GALNT17: variants seen among roughly 807,000 people sequenced by gnomAD.
GALNT17 encodes the protein UDP-GalNAc:polypeptide N-acetylgalactosaminyltransferase-like 3.
In GALNT17, 29 loss-of-function variants were observed where a neutral mutation model predicts 63.7. The observed-to-expected ratio is 0.46, with a 90% CI of 0.34 to 0.62. GALNT17 has a LOEUF of 0.62. GALNT17 is among the 20% of genes least tolerant of loss of function. GALNT17 has a pLI of 0.01. For missense variants in GALNT17, 603 were observed against 799.6 expected, an observed-to-expected ratio of 0.75 and a Z score of 2.97; for synonymous variants, 305 against 318.3, an observed-to-expected ratio of 0.96 and a Z score of 0.45.
intron 7 of GALNT17, among the ~76,000 whole-genome samples, chr7:71,667,948 C>T (rs1481906639): frequency 6.6e-6 from 1 of 152,104 alleles, no homozygotes; most frequent in Non-Finnish European, 1.5e-5. Flanking sequence ...CACAGGCTTG[C>T]GCCCTCTACC....
chr7:71,159,250 CT>C (rs11288629), intron 1 of GALNT17, among the ~76,000 whole-genome samples: 70,059 of 151,284 alleles, frequency 0.46, 17,905 homozygotes, highest in African/African-American at 0.64. Flanking sequence ...TCAAATGTGC[CT>C]TTTCTTAGGA....
intron 9 of GALNT17, among the ~76,000 whole-genome samples, chr7:71,700,024 G>A (rs1478998270): frequency 2.0e-5 from 3 of 151,778 alleles, no homozygotes; most frequent in Admixed American, 6.6e-5. Flanking sequence ...AGGCACAGTG[G>A]CTCACACCTG....
chr7:71,150,476 T>C (rs1788108983), intron 1 of GALNT17, among the ~76,000 whole-genome samples: 1 of 151,426 alleles, frequency 6.6e-6, no homozygotes, highest in African/African-American at 2.4e-5. Context: ...TCCTACGGGG[T>C]CCTTCATGCC....
chr7:71,575,221 G>C (rs993413476), intron 6 of GALNT17, among the ~76,000 whole-genome samples: 1 of 151,930 alleles, frequency 6.6e-6, no homozygotes, highest in Admixed American at 6.6e-5. Flanking sequence ...CATCCCCACC[G>C]CCTGAATAAA....
intron 3 of GALNT17, among the ~76,000 whole-genome samples, chr7:71,397,523 G>C (rs1226423426): frequency 2.6e-5 from 4 of 152,070 alleles, no homozygotes; most frequent in Non-Finnish European, 4.4e-5. Flanking sequence ...AGATAAGAAT[G>C]GGTGCTATAC....
At chr7:71,172,518 C>CT (rs1248225285) in intron 1 of GALNT17, among the ~76,000 whole-genome samples, 2 of 151,496 alleles carry the variant, frequency 1.3e-5, no homozygotes, top group African/African-American at 2.4e-5. Flanking sequence ...GGAACAGACT[C>CT]TAAGAACCCT....
At chr7:71,683,046 G>T (rs941187213) in intron 9 of GALNT17, among the ~76,000 whole-genome samples, 20 of 152,138 alleles carry the variant, frequency 1.3e-4, no homozygotes, top group African/African-American at 4.6e-4. Context: ...TTCCACCTGC[G>T]TGCGGAACTT....
intron 6 of GALNT17, among the ~76,000 whole-genome samples, chr7:71,645,607 C>T (rs1584110103): frequency 6.6e-6 from 1 of 152,140 alleles, no homozygotes; most frequent in Admixed American, 6.5e-5. Flanking sequence ...TGAACTATTA[C>T]AGATGGTTAT....
intron 6 of GALNT17, among the ~76,000 whole-genome samples, chr7:71,626,041 C>T (rs1230066764): frequency 6.6e-6 from 1 of 151,948 alleles, no homozygotes; most frequent in Non-Finnish European, 1.5e-5. Context: ...GTCAGGAGAG[C>T]GAGACCATCC....
chr7:71,265,118 A>ATATATATTTTTTTTTTT (rs1390488895), intron 1 of GALNT17, among the ~76,000 whole-genome samples: 1 of 37,458 alleles, frequency 2.7e-5, no homozygotes, highest in Non-Finnish European at 6.8e-5. Flanking sequence ...ATATATATAT[A>ATATATATTTTTTTTTTT]TTTTTTTTTT....
chr7:71,342,552 T>A lies in GALNT17; in HGVS notation c.422+6819T>A, dbSNP rs1792024447. ...ATTAATACAGAAAAAAAACAAAAGC[T>A]CTCCAATAAACAAACTATACTTCCC... On this transcript the variant is annotated intron_variant, in intron 2 of 10. Coordinates refer to ENST00000333538, the MANE Select transcript of GALNT17 (RefSeq NM_022479.3). 3.3e-5 allele frequency among the ~76,000 whole-genome samples: 5 copies of A among 152,034 alleles called. No homozygotes were observed. The South Asian group carries it at 1.0e-3, about 32-fold the overall frequency.
chr7:71,359,642 G>A (rs1050368659), intron 2 of GALNT17, among the ~76,000 whole-genome samples: 17 of 151,372 alleles, frequency 1.1e-4, no homozygotes, highest in African/African-American at 4.1e-4. Context: ...GGAGTGCGGT[G>A]GCACCGTCTC....
chr7:71,163,592 C>G (rs1024720138), intron 1 of GALNT17, among the ~76,000 whole-genome samples: 3 of 152,140 alleles, frequency 2.0e-5, no homozygotes, highest in Non-Finnish European at 4.4e-5. Context: ...GGAACCGTTT[C>G]TTCTAGTTTA....
At chr7:71,476,763 C>T (rs1469736042) in intron 5 of GALNT17, among the ~76,000 whole-genome samples, 1 of 152,122 alleles carries the variant, frequency 6.6e-6, no homozygotes, top group East Asian at 1.9e-4. Context: ...TTTCTTACAA[C>T]AAAGAATTAT....
At chr7:71,506,149 C>T (rs1788262158) in intron 5 of GALNT17, among the ~76,000 whole-genome samples, 1 of 152,144 alleles carries the variant, frequency 6.6e-6, no homozygotes, top group South Asian at 2.1e-4. Flanking sequence ...ACTAGGACTC[C>T]ATATGTATTT....
At chr7:71,208,298 C>T (rs1447588560) in intron 1 of GALNT17, among the ~76,000 whole-genome samples, 1 of 152,094 alleles carries the variant, frequency 6.6e-6, no homozygotes, top group Non-Finnish European at 1.5e-5. Context: ...CCTGCTCCCA[C>T]AGGGAGATTG....
chr7:71,413,120 A>T (rs1245571867), intron 3 of GALNT17, among the ~76,000 whole-genome samples: 1 of 152,208 alleles, frequency 6.6e-6, no homozygotes, highest in Admixed American at 6.5e-5. Context: ...GATGCTCATG[A>T]TACTGTCATC....
At chr7:71,492,096 A>G (rs1438760735) in intron 5 of GALNT17, among the ~76,000 whole-genome samples, 1 of 152,152 alleles carries the variant, frequency 6.6e-6, no homozygotes, top group Non-Finnish European at 1.5e-5. Context: ...CCTGGCCAAC[A>G]TGGTGAAACC....
Position 71,531,244 on chromosome 7 carries a change from T to C in GALNT17, c.963-40041T>C, listed in dbSNP as rs1788715945. The stretch of plus-strand genomic sequence containing the variant: ...TCCATTATGCATCAATTAAAAATAA[T>C]AGTAAAAGCAAAAAAAAAGTATTTA... On this transcript the variant is annotated intron_variant, in intron 5 of 10. Transcript: ENST00000333538. Among the ~76,000 whole-genome samples the C allele has an allele frequency of 2.6e-5, 4 of 152,086 alleles. No homozygotes were observed. The South Asian group carries it at 8.3e-4, about 32-fold the overall frequency.
Sources: gnomAD v4.1 joint callset for allele counts (sites outside exome capture counted in the v4.1 genomes callset) on GRCh38, gnomAD v4.1.1 for gene constraint, MANE v1.5 for transcripts, NCBI Gene and HGNC (gene_info 2026-07-23, HGNC 2026-07-21) for gene names.